The following PKP4 variants were observed in gnomAD, a reference collection of about 807,000 sequenced individuals.
The protein encoded by PKP4 is plakophilin-4.
PKP4 carries 90 observed loss-of-function variants against 145.1 expected under a neutral mutation model. The ratio of observed to expected loss-of-function variants is 0.62; its 90% CI spans 0.52 to 0.74. PKP4 has a LOEUF of 0.74. Ranked by LOEUF, PKP4 falls within the 30% of genes least tolerant of loss-of-function variation. PKP4 has a pLI of 0.00. For missense variants in PKP4, 1,340 were observed against 1,482.7 expected, an observed-to-expected ratio of 0.90 and a Z score of 1.58; for synonymous variants, 563 against 577.2, an observed-to-expected ratio of 0.98 and a Z score of 0.35.
At position 158,457,024 on chromosome 2, in the gene PKP4, G is replaced by A. The variant is rs1385532373; in HGVS notation, c.-200G>A. 2 of 150,094 alleles carry A rather than the reference G, an allele frequency of 1.3e-5. No homozygotes were observed. Among genetic ancestry groups the A allele is most frequent in the Non-Finnish European group, 3.0e-5 (2 of 67,108 alleles). The allele number at this position is 150,094 out of a possible 1,614,324, so 9.3% of individuals were successfully genotyped here. Reference sequence around the variant, plus strand: ...GGCGGCACCATGGGCAAGGGGTAGAGGGGCAAGTTGGCCACCGCCGCCGCC... The same window carrying A: ...GGCGGCACCATGGGCAAGGGGTAGAAGGGCAAGTTGGCCACCGCCGCCGCC... On this transcript the variant is annotated 5_prime_UTR_variant, in exon 1 of 22. Coordinates refer to ENST00000389759, the MANE Select transcript of PKP4 (RefSeq NM_003628.6).
At chr2:158,665,003 A>G (rs2056950505) in intron 15 of PKP4, among the ~76,000 whole-genome samples, 1 of 152,246 alleles carries the variant, frequency 6.6e-6, no homozygotes, top group Non-Finnish European at 1.5e-5. Context: ...CATGTCTGGG[A>G]TCATTTAGTG....
At chr2:158,558,659 C>T (rs2046286760) in intron 2 of PKP4, among the ~76,000 whole-genome samples, 1 of 151,874 alleles carries the variant, frequency 6.6e-6, no homozygotes, top group Non-Finnish European at 1.5e-5. Context: ...AGTGGAGAGC[C>T]CTTGAAATAA....
intron 1 of PKP4, among the ~76,000 whole-genome samples, chr2:158,488,737 T>G (rs1694524572): frequency 1.3e-5 from 2 of 152,194 alleles, no homozygotes; most frequent in Non-Finnish European, 2.9e-5. Flanking sequence ...TGATTGTATA[T>G]CACTTCCAAT....
At chr2:158,503,716 T>G (rs1366508973) in intron 1 of PKP4, among the ~76,000 whole-genome samples, 1 of 152,210 alleles carries the variant, frequency 6.6e-6, no homozygotes, top group Non-Finnish European at 1.5e-5. Flanking sequence ...CCACCCAAAC[T>G]GCCTTTTTGT....
intron 17 of PKP4, among the ~76,000 whole-genome samples, chr2:158,670,593 G>C (rs921225719): frequency 5.9e-5 from 9 of 152,138 alleles, no homozygotes; most frequent in Non-Finnish European, 1.3e-4. Context: ...AAAAATCTAG[G>C]GGGCACCATT....
At chr2:158,619,005 T>A (rs1466369195) in intron 4 of PKP4, among the ~76,000 whole-genome samples, 5 of 152,208 alleles carry the variant, frequency 3.3e-5, no homozygotes, top group Admixed American at 3.3e-4. Context: ...CAGTGGTACT[T>A]TTTATCTGTA....
At chr2:158,611,682 A>G (rs1447123323) in intron 4 of PKP4, among the ~76,000 whole-genome samples, 2 of 152,218 alleles carry the variant, frequency 1.3e-5, no homozygotes, top group East Asian at 3.9e-4. Flanking sequence ...GTTGTATTGT[A>G]CATGTTCATA....
chr2:158,520,149 T>C (rs1427751961), intron 1 of PKP4, among the ~76,000 whole-genome samples: 1 of 152,240 alleles, frequency 6.6e-6, no homozygotes, highest in Non-Finnish European at 1.5e-5. Flanking sequence ...TTTGCAGTGC[T>C]TTCCTTGTGT....
At chr2:158,654,935 G>A (rs536397963) in intron 11 of PKP4, among the ~76,000 whole-genome samples, 4 of 152,078 alleles carry the variant, frequency 2.6e-5, no homozygotes, top group Admixed American at 1.3e-4. Context: ...GATAATGATA[G>A]GGTATTTCTT....
At chr2:158,652,377 C>T (rs1222059395) in intron 11 of PKP4, among the ~76,000 whole-genome samples, 1 of 152,042 alleles carries the variant, frequency 6.6e-6, no homozygotes, top group Non-Finnish European at 1.5e-5. Flanking sequence ...TGGCGGGAGG[C>T]CATATTGTAG....
At chr2:158,537,362 G>A (rs1372839489) in intron 2 of PKP4, among the ~76,000 whole-genome samples, 1 of 152,092 alleles carries the variant, frequency 6.6e-6, no homozygotes, top group Non-Finnish European at 1.5e-5. Flanking sequence ...TTAAGTTTAG[G>A]GAATAAAAGG....
chr2:158,661,465 GGTT>G lies in PKP4; in HGVS notation c.2211+17_2211+19del, dbSNP rs755917327. 9.1e-6 allele frequency: 14 copies of G among 1,531,022 alleles called. 1 individual carries two copies. In the South Asian group the frequency reaches 1.3e-4, roughly 15 times the overall value. 94.8% of individuals were successfully genotyped at this position (1,531,022 alleles called of 1,614,324 possible). ...ACGACAGCAAGGTCAGTGCCGGCCT[GGTT>G]GCAGGAGGGCGTGGTGGCAGGTGAC... On this transcript the variant is annotated intron_variant, in intron 13 of 21. Coordinates refer to ENST00000389759, the MANE Select transcript of PKP4 (RefSeq NM_003628.6).
At chr2:158,671,098 T>G (rs1248130075) in intron 17 of PKP4, among the ~76,000 whole-genome samples, 1 of 152,140 alleles carries the variant, frequency 6.6e-6, no homozygotes, top group African/African-American at 2.4e-5. Flanking sequence ...TGCAGAGATT[T>G]TTATTTCGGT....
At chr2:158,562,284 C>T (rs1028718289) in intron 2 of PKP4, among the ~76,000 whole-genome samples, 2 of 151,982 alleles carry the variant, frequency 1.3e-5, no homozygotes, top group African/African-American at 4.8e-5. Flanking sequence ...AATGGATAAA[C>T]AAAATGTGGC....
intron 2 of PKP4, among the ~76,000 whole-genome samples, chr2:158,559,391 G>T (rs546253284): frequency 6.6e-6 from 1 of 152,090 alleles, no homozygotes; most frequent in Non-Finnish European, 1.5e-5. Context: ...TAACACACAT[G>T]CCTGAGGGAG....
chr2:158,473,962 C>T (rs907269880), intron 1 of PKP4, among the ~76,000 whole-genome samples: 1 of 152,062 alleles, frequency 6.6e-6, no homozygotes, highest in African/African-American at 2.4e-5. Flanking sequence ...TGATTTTTCA[C>T]TGGTTATGAA....
At chr2:158,546,519 G>A (rs942634060) in intron 2 of PKP4, among the ~76,000 whole-genome samples, 1 of 152,126 alleles carries the variant, frequency 6.6e-6, no homozygotes, top group Admixed American at 6.6e-5. Flanking sequence ...GGAAAGAAAC[G>A]TGAAATTTTG....
Position 158,666,395 on chromosome 2 carries a change from C to T in PKP4, c.2578-18C>T, listed in dbSNP as rs753950853. The T allele has an allele frequency of 3.2e-6, 5 of 1,564,730 alleles. No individual in the cohort carries two copies. In the South Asian group the frequency reaches 6.1e-5, roughly 19 times the overall value. ...GAACTCTGTTTTATGTTACTTCCTG[C>T]CTTATTTTTCTCACTAGTTTGCAGC... On this transcript the variant is annotated intron_variant, in intron 15 of 21. Coordinates refer to ENST00000389759, the MANE Select transcript of PKP4 (RefSeq NM_003628.6).
intron 11 of PKP4, among the ~76,000 whole-genome samples, chr2:158,657,277 T>C (rs1199455667): frequency 6.6e-6 from 1 of 152,034 alleles, no homozygotes; most frequent in Non-Finnish European, 1.5e-5. Flanking sequence ...AGAGCAATTA[T>C]TGGAAAACCT....
Sources: gnomAD v4.1 joint callset for allele counts (sites outside exome capture counted in the v4.1 genomes callset) on GRCh38, gnomAD v4.1.1 for gene constraint, MANE v1.5 for transcripts, NCBI Gene and HGNC (gene_info 2026-07-23, HGNC 2026-07-21) for gene names.